Variants in NXPE2 observed in about 807,000 individuals in gnomAD.
The protein encoded by NXPE2 is neurexophilin and PC-esterase domain family member 2, also known as NXPE family member 2.
In NXPE2, 34 loss-of-function variants were observed where a neutral mutation model predicts 34.4. The ratio of observed to expected loss-of-function variants is 0.99; its 90% CI spans 0.75 to 1.31. NXPE2 has a LOEUF of 1.31. NXPE2 is among the 40% of genes most tolerant of loss of function. NXPE2 has a pLI of 0.00. For synonymous variants in NXPE2, 235 were observed against 231.3 expected, an observed-to-expected ratio of 1.02 and a Z score of -0.15; for missense variants, 649 against 672.5, an observed-to-expected ratio of 0.97 and a Z score of 0.39.
chr11:114,639,727 TATA>T, the NXPE2 span, among the ~76,000 whole-genome samples: 1 of 123,786 alleles, frequency 8.1e-6, no homozygotes, highest in East Asian at 2.3e-4. Context: ...AATATAGTAA[TATA>T]ATATAAAATA....
the NXPE2 span, among the ~76,000 whole-genome samples, chr11:114,557,891 G>A: frequency 6.6e-6 from 1 of 151,702 alleles, no homozygotes; most frequent in East Asian, 1.9e-4. Flanking sequence ...TACAATTCTA[G>A]ATTGACAAGT....
the NXPE2 span, among the ~76,000 whole-genome samples, chr11:114,724,538 CAG>C: frequency 6.6e-6 from 1 of 152,082 alleles, no homozygotes; most frequent in Non-Finnish European, 1.5e-5. Context: ...CAGTCCTTTG[CAG>C]AGTTTTTAAG....
At chr11:114,698,920 T>A in intron 3 of NXPE2, 142 bp downstream of exon 3, 1 of 827,570 alleles carries the variant, frequency 1.2e-6, no homozygotes, top group South Asian at 1.9e-5. Context: ...CAGTTCAGCT[T>A]GGAGTGTGTT....
chr11:114,489,032 C>T, the NXPE2 span, among the ~76,000 whole-genome samples: 9 of 152,128 alleles, frequency 5.9e-5, no homozygotes, highest in Non-Finnish European at 1.2e-4. Flanking sequence ...GGGATATGAC[C>T]ACTGATCCTC....
At chr11:114,553,112 A>G in the NXPE2 span, among the ~76,000 whole-genome samples, 1 of 152,062 alleles carries the variant, frequency 6.6e-6, no homozygotes, top group African/African-American at 2.4e-5. Context: ...ATTCCTATTC[A>G]TTGTTTGGGT....
At chr11:114,555,739 G>A in the NXPE2 span, among the ~76,000 whole-genome samples, 1 of 152,144 alleles carries the variant, frequency 6.6e-6, no homozygotes, top group Non-Finnish European at 1.5e-5. Context: ...CTACAGATGA[G>A]ATTTCTTTTT....
At chr11:114,761,643 G>C in the NXPE2 span, among the ~76,000 whole-genome samples, 1 of 144,342 alleles carries the variant, frequency 6.9e-6, no homozygotes, top group South Asian at 2.2e-4. Flanking sequence ...GCGCAATCTC[G>C]GCTCACTACA....
At chr11:114,663,343 A>G in the NXPE2 span, among the ~76,000 whole-genome samples, 3 of 152,094 alleles carry the variant, frequency 2.0e-5, no homozygotes, top group Admixed American at 6.6e-5. Context: ...TAGCCTGCCA[A>G]TGTCTGGATT....
chr11:114,632,536 T>G, the NXPE2 span, among the ~76,000 whole-genome samples: 3 of 120,820 alleles, frequency 2.5e-5, no homozygotes, highest in Non-Finnish European at 4.8e-5. Flanking sequence ...GCTATATATT[T>G]ATTATATATG....
At chr11:114,733,535 G>T in the NXPE2 span, among the ~76,000 whole-genome samples, 5 of 152,260 alleles carry the variant, frequency 3.3e-5, no homozygotes, top group South Asian at 2.1e-4. Context: ...ACTTCAAGGA[G>T]GTATACCTAT....
the NXPE2 span, among the ~76,000 whole-genome samples, chr11:114,748,208 T>C: frequency 1.3e-5 from 2 of 152,240 alleles, no homozygotes; most frequent in African/African-American, 4.8e-5. Flanking sequence ...ACAGAAAATT[T>C]GCAGGTATGG....
chr11:114,730,464 A>G, the NXPE2 span, among the ~76,000 whole-genome samples: 3 of 152,178 alleles, frequency 2.0e-5, no homozygotes, highest in African/African-American at 7.2e-5. Context: ...TAATAGGAAT[A>G]GCATTGAATC....
chr11:114,537,614 A>G, the NXPE2 span, among the ~76,000 whole-genome samples: 4 of 152,214 alleles, frequency 2.6e-5, no homozygotes, highest in African/African-American at 9.6e-5. Context: ...TGCAAAAATC[A>G]CGAGCATTCT....
At chr11:114,582,742 G>A in the NXPE2 span, 3 of 1,614,124 alleles carry the variant, frequency 1.9e-6, no homozygotes, top group Non-Finnish European at 2.5e-6. Context: ...CGTCCCAAGT[G>A]GTCCCTCACC....
chr11:114,706,138 C>A, intron 5 of NXPE2, 142 bp downstream of exon 5: 1 of 435,712 alleles, frequency 2.3e-6, no homozygotes, highest in Non-Finnish European at 3.6e-6. Context: ...TAACTTTTGG[C>A]TTTGGGCTTT....
chr11:114,543,965 A>G, the NXPE2 span, among the ~76,000 whole-genome samples: 4 of 152,202 alleles, frequency 2.6e-5, no homozygotes, highest in African/African-American at 7.2e-5. Flanking sequence ...TGAAATTACA[A>G]AAAAGAAAAC....
At chr11:114,720,626 C>CAA in the NXPE2 span, among the ~76,000 whole-genome samples, 5 of 151,684 alleles carry the variant, frequency 3.3e-5, no homozygotes, top group Non-Finnish European at 5.9e-5. Flanking sequence ...GATTTCAAAG[C>CAA]AAAAAAACAC....
the NXPE2 span, among the ~76,000 whole-genome samples, chr11:114,593,582 T>C: frequency 1.3e-5 from 2 of 152,228 alleles, no homozygotes; most frequent in East Asian, 3.9e-4. Context: ...GGTGGGAATG[T>C]AATTAGTACA....
At chr11:114,634,386 G>T in the NXPE2 span, among the ~76,000 whole-genome samples, 1 of 151,942 alleles carries the variant, frequency 6.6e-6, no homozygotes, top group African/African-American at 2.4e-5. Flanking sequence ...TGAGTAGGTT[G>T]TGAAGATTTT....
Sources: gnomAD v4.1 joint callset for allele counts (sites outside exome capture counted in the v4.1 genomes callset) on GRCh38, gnomAD v4.1.1 for gene constraint, MANE v1.5 for transcripts, NCBI Gene and HGNC (gene_info 2026-07-23, HGNC 2026-07-21) for gene names.